The following GMEB1 variants were observed in gnomAD, a reference collection of about 807,000 sequenced individuals.
The protein encoded by GMEB1 is glucocorticoid modulatory element-binding protein 1.
In GMEB1, 6 loss-of-function variants were observed where a neutral mutation model predicts 52.4. The observed-to-expected ratio is 0.11, with a 90% CI of 0.06 to 0.23. GMEB1 has a LOEUF of 0.23. Ranked by LOEUF, GMEB1 falls within the 10% of genes least tolerant of loss-of-function variation. The pLI, the probability that GMEB1 is intolerant of heterozygous loss-of-function variation, is 1.00. For synonymous variants in GMEB1, 255 were observed against 244.9 expected (o/e 1.04, Z -0.38); for missense variants, 486 against 685.6 (o/e 0.71, Z 3.25).
chr1:28,713,991 G>A (rs1671174469), intron 9 of GMEB1, 82 bp from the exon 10 acceptor site: 1 of 991,342 alleles, frequency 1.0e-6, no homozygotes, highest in African/African-American at 1.6e-5. Flanking sequence ...ACCAGACAGA[G>A]ACACCAGGTC....
At chr1:28,697,161 AC>A in intron 6 of GMEB1, 77 bp downstream of exon 6, 4 of 221,374 alleles carry the variant, frequency 1.8e-5, no homozygotes, top group Non-Finnish European at 3.2e-5. Flanking sequence ...CCTTGTGTGT[AC>A]ATATATATAT....
rs2124482192 is a variant in GMEB1, at chr1:28,683,807, CTT to C, written c.128+69_128+70del. The C allele has an allele frequency of 2.0e-6, 3 of 1,470,940 alleles. No individual in the cohort carries two copies. In the East Asian group the frequency reaches 6.8e-5, roughly 33 times the overall value. 91.1% of individuals were successfully genotyped at this position (1,470,940 alleles called of 1,614,324 possible). A position where few individuals can be genotyped will look rare whatever the true frequency, so the allele number is the denominator to read the frequency against. ...AGCTTCAAGGGTGGGGAAATTATAA[CTT>C]TATGGTTGCTTAGCACAATGGAACA... is the stretch of plus-strand genomic sequence containing the variant. On this transcript the variant is annotated intron_variant, in intron 2 of 9. Coordinates refer to ENST00000373816, the MANE Select transcript of GMEB1 (RefSeq NM_001319674.2).
At chr1:28,710,943 T>C (rs1201613431) in intron 9 of GMEB1, among the ~76,000 whole-genome samples, 2 of 152,142 alleles carry the variant, frequency 1.3e-5, no homozygotes, top group African/African-American at 4.8e-5. Flanking sequence ...AATTGGTCTT[T>C]GTCTTTTTTA....
At chr1:28,684,088 C>T (rs368230065) in intron 2 of GMEB1, among the ~76,000 whole-genome samples, 52 of 152,172 alleles carry the variant, frequency 3.4e-4, no homozygotes, top group African/African-American at 5.3e-4. Context: ...ACTGCAACCT[C>T]GAATTCCTGG....
intron 2 of GMEB1, among the ~76,000 whole-genome samples, chr1:28,685,492 A>G (rs1446234205): frequency 6.6e-6 from 1 of 152,202 alleles, no homozygotes; most frequent in East Asian, 1.9e-4. Context: ...ATGTAGACTT[A>G]CCTTTTAAGC....
At chr1:28,680,757 T>G (rs1357548400) in intron 1 of GMEB1, among the ~76,000 whole-genome samples, 2 of 146,216 alleles carry the variant, frequency 1.4e-5, no homozygotes, top group Non-Finnish European at 3.0e-5. Flanking sequence ...AGAAAAGCAA[T>G]CCTTGGAATC....
At chr1:28,688,621 T>TA (rs1669804345) in intron 2 of GMEB1, among the ~76,000 whole-genome samples, 1 of 152,138 alleles carries the variant, frequency 6.6e-6, no homozygotes, top group African/African-American at 2.4e-5. Context: ...GTTTCTCTCT[T>TA]ACTTTTCTTC....
chr1:28,719,350 C>T lies in GMEB1; in HGVS notation c.*4577C>T, dbSNP rs973333062. 5.3e-5 allele frequency: 8 copies of T among 152,184 alleles called. No homozygotes were observed. Among genetic ancestry groups the T allele is most frequent in the Admixed American group, 2.0e-4 (3 of 15,276 alleles). The allele number at this position is 152,184 out of a possible 1,614,324, so 9.4% of individuals were successfully genotyped here. A position where few individuals can be genotyped will look rare whatever the true frequency, so the allele number is the denominator to read the frequency against. On this transcript the variant is annotated 3_prime_UTR_variant, in exon 10 of 10. Transcript: ENST00000373816. ...ACAATAAACATGAATATTCAAGATT[C>T]AAAGCCACTTCATATGAAGGTTCTT...
intron 5 of GMEB1, among the ~76,000 whole-genome samples, chr1:28,693,944 A>T (rs1670081784): frequency 6.6e-6 from 1 of 152,134 alleles, no homozygotes; most frequent in African/African-American, 2.4e-5. Context: ...TTTAATATAT[A>T]GTCAAAAGAC....
intron 1 of GMEB1, among the ~76,000 whole-genome samples, chr1:28,677,239 A>T (rs1343384616): frequency 3.3e-5 from 5 of 151,094 alleles, no homozygotes; most frequent in Non-Finnish European, 5.9e-5. Flanking sequence ...CAAATAAGGG[A>T]TGCATAATCT....
chr1:28,671,577 A>G (rs1668885665), intron 1 of GMEB1, among the ~76,000 whole-genome samples: 1 of 151,648 alleles, frequency 6.6e-6, no homozygotes, highest in African/African-American at 2.4e-5. Context: ...CCGTCTCTAC[A>G]AAAAATGACA....
At chr1:28,709,910 A>G (rs982856737) in intron 8 of GMEB1, among the ~76,000 whole-genome samples, 1 of 151,900 alleles carries the variant, frequency 6.6e-6, no homozygotes, top group Non-Finnish European at 1.5e-5. Context: ...GCACTTTGGG[A>G]GGCTGAGGTG....
At chr1:28,705,764 T>G (rs1670728029) in intron 8 of GMEB1, among the ~76,000 whole-genome samples, 1 of 152,100 alleles carries the variant, frequency 6.6e-6, no homozygotes, top group African/African-American at 2.4e-5. Context: ...ACATCTATTT[T>G]CAGACTCTCT....
intron 1 of GMEB1, among the ~76,000 whole-genome samples, chr1:28,679,951 A>G (rs1160428185): frequency 6.6e-6 from 1 of 152,078 alleles, no homozygotes; most frequent in African/African-American, 2.4e-5. Context: ...GATTATAGGC[A>G]AGCGCCACCA....
intron 1 of GMEB1, among the ~76,000 whole-genome samples, chr1:28,674,248 A>G (rs887494304): frequency 1.3e-5 from 2 of 151,800 alleles, no homozygotes; most frequent in African/African-American, 4.8e-5. Flanking sequence ...CTGAGGTGGG[A>G]GGATCACTTG....
rs138388689 is a variant in GMEB1, at chr1:28,694,830, A to C, written c.440+1785A>C. On this transcript the variant is annotated intron_variant, in intron 5 of 9. Transcript: ENST00000373816. ...AGGAGCACGCCACCTCGACTGGCTA[A>C]TTTTTGTATTTTTAGTAGAGACAGG... is the stretch of plus-strand genomic sequence containing the variant. 3.3e-3 allele frequency among the ~76,000 whole-genome samples: 502 copies of C among 151,388 alleles called. 3 individuals are homozygous for C. Among genetic ancestry groups the C allele is most frequent in the African/African-American group, 0.012 (485 of 41,232 alleles).
At chr1:28,669,625 A>G (rs1370283956) in intron 1 of GMEB1, among the ~76,000 whole-genome samples, 1 of 152,062 alleles carries the variant, frequency 6.6e-6, no homozygotes, top group African/African-American at 2.4e-5. Context: ...AGCGCGTGGT[A>G]GGAAGACTCC....
At chr1:28,706,838 T>C (rs1267967430) in intron 8 of GMEB1, among the ~76,000 whole-genome samples, 1 of 151,406 alleles carries the variant, frequency 6.6e-6, no homozygotes, top group Non-Finnish European at 1.5e-5. Flanking sequence ...CTAGGTTTTT[T>C]GTATTTTTAG....
At chr1:28,706,671 T>C (rs929860470) in intron 8 of GMEB1, among the ~76,000 whole-genome samples, 2 of 150,826 alleles carry the variant, frequency 1.3e-5, no homozygotes, top group African/African-American at 4.8e-5. Flanking sequence ...TATTTATTTA[T>C]TTATTTATTT....
Sources: allele counts gnomAD v4.1 joint callset (sites outside exome capture counted in the v4.1 genomes callset), GRCh38; gene constraint gnomAD v4.1.1; transcripts MANE v1.5; gene names NCBI Gene and HGNC (gene_info 2026-07-23, HGNC 2026-07-21).